PXDNL: variants seen among roughly 807,000 people sequenced by gnomAD.
PXDNL encodes probable oxidoreductase PXDNL.
In PXDNL, 145 loss-of-function variants were observed where a neutral mutation model predicts 150.8. The observed-to-expected ratio is 0.96, with a 90% CI of 0.84 to 1.10. The LOEUF is 1.10. PXDNL is among the 50% of genes least tolerant of loss of function. The pLI is 0.00. For missense variants in PXDNL, 2,087 were observed against 1,873.9 expected (o/e 1.11, Z -2.10); for synonymous variants, 757 against 725.7 (o/e 1.04, Z -0.69).
At chr8:51,447,860 G>A (rs1286858046) in intron 11 of PXDNL, among the ~76,000 whole-genome samples, 1 of 152,186 alleles carries the variant, frequency 6.6e-6, no homozygotes, top group Non-Finnish European at 1.5e-5. Context: ...AAATGTTGAA[G>A]AGTATAAATT....
At chr8:51,426,624 G>C (rs1809108441) in intron 13 of PXDNL, 22 bp downstream of exon 13, 2 of 1,308,822 alleles carry the variant, frequency 1.5e-6, no homozygotes, top group Non-Finnish European at 2.2e-6. Flanking sequence ...TAATATTACT[G>C]TACTTTTAGT....
intron 20 of PXDNL, among the ~76,000 whole-genome samples, chr8:51,342,382 T>G (rs1586016053): frequency 6.6e-6 from 1 of 151,988 alleles, no homozygotes; most frequent in East Asian, 1.9e-4. Flanking sequence ...TTTTCCATAG[T>G]AAAGGTAGCA....
At chr8:51,605,369 G>A (rs550082216) in intron 2 of PXDNL, among the ~76,000 whole-genome samples, 5 of 151,904 alleles carry the variant, frequency 3.3e-5, no homozygotes, top group Admixed American at 1.3e-4. Context: ...CAGGTTTGGC[G>A]ATATGACTAT....
At chr8:51,457,741 T>A in intron 8 of PXDNL, 74 bp from the exon 9 acceptor site, 1 of 1,066,506 alleles carries the variant, frequency 9.4e-7, no homozygotes, top group Non-Finnish European at 1.4e-6. Flanking sequence ...ACTGAGAATA[T>A]AGTACTATAT....
chr8:51,349,457 G>C (rs1178011201), intron 19 of PXDNL, among the ~76,000 whole-genome samples: 2 of 152,190 alleles, frequency 1.3e-5, no homozygotes, highest in Non-Finnish European at 2.9e-5. Context: ...ACTGCCAAGA[G>C]CAAGTCGAAT....
rs181676763 is a variant in PXDNL at position 51,746,870 on chromosome 8, C to T, written c.164+62311G>A. On this transcript the variant is annotated intron_variant, in intron 1 of 22. Transcript: ENST00000356297. ...CCAAGTAGCTGGGACTACAGGTGCA[C>T]GCCACCACACCCAGTTAACTTTTGT... is the stretch of plus-strand genomic sequence containing the variant. 6.0e-4 allele frequency among the ~76,000 whole-genome samples: 91 copies of T among 151,850 alleles called. 1 individual carries two copies. Among genetic ancestry groups the T allele is most frequent in the East Asian group, 3.3e-3 (17 of 5,158 alleles).
chr8:51,465,876 A>AT (rs1810194549), intron 8 of PXDNL, among the ~76,000 whole-genome samples: 3 of 152,160 alleles, frequency 2.0e-5, no homozygotes, highest in African/African-American at 7.2e-5. Flanking sequence ...AACTCAAAAC[A>AT]TTGTTGAAAG....
At chr8:51,332,663 T>C (rs1805724609) in intron 21 of PXDNL, among the ~76,000 whole-genome samples, 2 of 151,482 alleles carry the variant, frequency 1.3e-5, no homozygotes, top group African/African-American at 4.8e-5. Flanking sequence ...TCAGGAAACT[T>C]TGGACACACT....
intron 21 of PXDNL, 83 bp downstream of exon 21, chr8:51,339,540 TG>T: frequency 7.5e-7 from 1 of 1,326,942 alleles, no homozygotes; most frequent in South Asian, 1.3e-5. Flanking sequence ...GTGCTGTAAT[TG>T]TGGAGAGTTA....
At chr8:51,757,680 C>T (rs746850263) in intron 1 of PXDNL, among the ~76,000 whole-genome samples, 77 of 152,268 alleles carry the variant, frequency 5.1e-4, no homozygotes, top group Non-Finnish European at 6.3e-4. Context: ...TTACTTTGAT[C>T]AGTAACTAAA....
At chr8:51,353,952 G>C (rs1451052858) in intron 19 of PXDNL, among the ~76,000 whole-genome samples, 1 of 152,032 alleles carries the variant, frequency 6.6e-6, no homozygotes, top group Non-Finnish European at 1.5e-5. Flanking sequence ...CCTTGTTAAT[G>C]GTATAGAGTT....
chr8:51,696,787 C>CA (rs1816147450), intron 1 of PXDNL, among the ~76,000 whole-genome samples: 1 of 2,820 alleles, frequency 3.5e-4, no homozygotes. Flanking sequence ...ACACACATAC[C>CA]CACCCACACA....
chr8:51,382,819 G>A (rs1424300853), intron 17 of PXDNL, among the ~76,000 whole-genome samples: 1 of 152,132 alleles, frequency 6.6e-6, no homozygotes, highest in African/African-American at 2.4e-5. Context: ...AACTATAAGA[G>A]TCCAGAAAAA....
chr8:51,486,778 ATATATATATATATATATTTTTTTTTTT>A (rs1310950248), intron 5 of PXDNL, among the ~76,000 whole-genome samples: 8 of 10,902 alleles, frequency 7.3e-4, no homozygotes, highest in African/African-American at 1.7e-3. Flanking sequence ...ATATATATAT[ATATATATATATATATATTTTTTTTTTT>A]TTTTTTTTTT....
chr8:51,523,301 C>T (rs1410690557), intron 4 of PXDNL, among the ~76,000 whole-genome samples: 2 of 152,088 alleles, frequency 1.3e-5, no homozygotes, highest in Non-Finnish European at 2.9e-5. Flanking sequence ...TTATTATTTA[C>T]TAATATGCTT....
intron 4 of PXDNL, among the ~76,000 whole-genome samples, chr8:51,506,524 G>C (rs563203785): frequency 4.6e-4 from 49 of 106,212 alleles, no homozygotes; most frequent in African/African-American, 1.6e-3. Context: ...CTGGGTGACA[G>C]AGTGAGACTC....
chr8:51,408,026 C>T (rs765687556), intron 17 of PXDNL, 41 bp downstream of exon 17: 1 of 1,530,772 alleles, frequency 6.5e-7, no homozygotes, highest in Non-Finnish European at 8.8e-7. Flanking sequence ...TTTTACCTCT[C>T]CTAAGAAATG....
chr8:51,586,338 A>G (rs1585600274), intron 3 of PXDNL, among the ~76,000 whole-genome samples: 1 of 152,174 alleles, frequency 6.6e-6, no homozygotes, highest in Admixed American at 6.5e-5. Flanking sequence ...GTCATTCTAG[A>G]CCAGAAGATC....
At chr8:51,636,842 T>C (rs1163173944) in intron 2 of PXDNL, among the ~76,000 whole-genome samples, 1 of 151,460 alleles carries the variant, frequency 6.6e-6, no homozygotes, top group East Asian at 1.9e-4. Flanking sequence ...CTGTCCTGAG[T>C]AGTGGTTCTC....
Sources: gnomAD v4.1 joint callset for allele counts (sites outside exome capture counted in the v4.1 genomes callset) on GRCh38, gnomAD v4.1.1 for gene constraint, MANE v1.5 for transcripts, NCBI Gene and HGNC (gene_info 2026-07-23, HGNC 2026-07-21) for gene names.